Variants in DYNC2H1 observed in about 807,000 individuals in gnomAD.
The protein encoded by DYNC2H1 is cytoplasmic dynein 2 heavy chain 1.
In DYNC2H1, 410 loss-of-function variants were observed where a neutral mutation model predicts 570.0. The observed-to-expected ratio is 0.72, with a 90% CI of 0.66 to 0.78. DYNC2H1 has a LOEUF of 0.78. DYNC2H1 is among the 30% of genes least tolerant of loss of function. The pLI, the probability that DYNC2H1 is intolerant of heterozygous loss-of-function variation, is 0.00. For synonymous variants in DYNC2H1, 1,688 were observed against 1,677.6 expected, an observed-to-expected ratio of 1.01 and a Z score of -0.15; for missense variants, 4,865 against 5,046.4, an observed-to-expected ratio of 0.96 and a Z score of 1.09.
chr11:103,321,878 G>C (rs1194594480), intron 81 of DYNC2H1, among the ~76,000 whole-genome samples: 1 of 151,956 alleles, frequency 6.6e-6, no homozygotes, highest in Non-Finnish European at 1.5e-5. Context: ...TTCTTTATTA[G>C]AGTACTATAA....
rs557140243 is a variant in DYNC2H1 at position 103,322,177 on chromosome 11, G to A, written c.11934+940G>A. On this transcript the variant is annotated intron_variant, in intron 81 of 88. Transcript: ENST00000375735. ...CAGTGATAGTGCTGTTCTAGGTATT[G>A]TGGATATAGTAATGCACCTGTGGAG... Among the ~76,000 whole-genome samples the A allele has an allele frequency of 4.6e-5, 7 of 152,188 alleles. No individual in the cohort carries two copies. The South Asian group carries it at 1.5e-3, about 32-fold the overall frequency.
At chr11:103,367,738 T>C (rs1940975153) in intron 83 of DYNC2H1, among the ~76,000 whole-genome samples, 6 of 152,156 alleles carry the variant, frequency 3.9e-5, no homozygotes, top group Admixed American at 3.9e-4. Context: ...TTTGTACTTG[T>C]TGAACAACCT....
At chr11:103,375,731 C>T (rs1941365552) in intron 83 of DYNC2H1, among the ~76,000 whole-genome samples, 1 of 152,130 alleles carries the variant, frequency 6.6e-6, no homozygotes, top group Non-Finnish European at 1.5e-5. Context: ...GTGTCTGTAC[C>T]CCCATTGTAT....
At chr11:103,141,751 G>T (rs1859949691) in intron 17 of DYNC2H1, among the ~76,000 whole-genome samples, 1 of 152,336 alleles carries the variant, frequency 6.6e-6, no homozygotes, top group African/African-American at 2.4e-5. Flanking sequence ...AGCTGTCAGT[G>T]ACATTTAATT....
chr11:103,114,206 C>A lies in DYNC2H1; in HGVS notation c.470C>A (p.Thr157Lys). 3.8e-6 allele frequency: 6 copies of A among 1,597,806 alleles called. No homozygotes were observed. Among genetic ancestry groups the A allele is most frequent in the Non-Finnish European group, 5.1e-6 (6 of 1,171,200 alleles). The change falls in exon 3 of 89, where the codon ACA becomes AAA. Residue 157 changes from threonine to lysine, a missense_variant. By Grantham distance (78) the Thr-to-Lys change is moderately conservative. This residue lies in a region of DYNC2H1 where 1,936 missense variants were observed against 1,962.1 expected (regional missense o/e 0.99). Coordinates refer to ENST00000375735, the MANE Select transcript of DYNC2H1 (RefSeq NM_001377.3). ...IVLRRSDTNL[T>K]KLKFKEDDTR... Reference sequence around the variant, plus strand: ...CTACGAAGATCAGACACTAACTTAACAAAATTGAAATTTAAGGAAGATGAC... The same window carrying A: ...CTACGAAGATCAGACACTAACTTAAAAAAATTGAAATTTAAGGAAGATGAC...
intron 84 of DYNC2H1, chr11:103,406,519 G>A (rs1034476507): frequency 6.6e-6 from 1 of 151,890 alleles, no homozygotes; most frequent in Non-Finnish European, 1.5e-5. Flanking sequence ...TAGAATTAGT[G>A]GGATTATAGG....
At chr11:103,408,111 A>G (rs7925447) in intron 84 of DYNC2H1, 13,747 of 151,934 alleles carry the variant, frequency 0.09, 1,327 homozygotes, top group African/African-American at 0.23. Flanking sequence ...CGGTATAGGG[A>G]GGTGAGTTCA....
At chr11:103,259,751 G>A in intron 69 of DYNC2H1, 137 bp from the exon 70 acceptor site, 1 of 530,130 alleles carries the variant, frequency 1.9e-6, no homozygotes, top group Non-Finnish European at 3.3e-6. Flanking sequence ...CAAGTTTAAT[G>A]CACTTGTTTA....
chr11:103,451,057 G>T (rs1356809362), intron 85 of DYNC2H1, among the ~76,000 whole-genome samples: 1 of 151,910 alleles, frequency 6.6e-6, no homozygotes, highest in Non-Finnish European at 1.5e-5. Flanking sequence ...AATTTAATCA[G>T]CTAATTTCCT....
chr11:103,281,016 G>A (rs1301759780), intron 71 of DYNC2H1, among the ~76,000 whole-genome samples: 2 of 151,970 alleles, frequency 1.3e-5, no homozygotes, highest in Non-Finnish European at 2.9e-5. Flanking sequence ...CTATTTGCAA[G>A]TAATTTTTCT....
chr11:103,253,212 A>C, intron 65 of DYNC2H1, 73 bp from the exon 66 acceptor site: 1 of 1,442,046 alleles, frequency 6.9e-7, no homozygotes, highest in Non-Finnish European at 9.3e-7. Flanking sequence ...GTACTTAAAA[A>C]TTATATTTTC....
chr11:103,328,924 G>A (rs1403237590), intron 82 of DYNC2H1, among the ~76,000 whole-genome samples: 12 of 152,286 alleles, frequency 7.9e-5, no homozygotes, highest in Non-Finnish European at 1.5e-4. Context: ...TGAGGAGGGG[G>A]AGAGATAAAT....
Position 103,254,461 on chromosome 11 carries a change from G to T in DYNC2H1, c.10207-954G>T, listed in dbSNP as rs549611864. ...CATAGCATTTTTCAACAGCTTCACAGATAACAGCTTTAACAAATACAATGT... is the reference window on the plus strand; with the variant it reads ...CATAGCATTTTTCAACAGCTTCACATATAACAGCTTTAACAAATACAATGT... On this transcript the variant is annotated intron_variant, in intron 66 of 88. Coordinates refer to ENST00000375735, the MANE Select transcript of DYNC2H1 (RefSeq NM_001377.3). This position sits in a 1 kb window ranked among gnomAD's most constrained non-coding sequence, Gnocchi z 4.9. 1.3e-5 allele frequency among the ~76,000 whole-genome samples: 2 copies of T among 152,302 alleles called. No individual in the cohort carries two copies. The highest frequency in any genetic ancestry group is 4.8e-5 in the African/African-American group (2 of 41,570).
chr11:103,450,387 G>A (rs1179189560), intron 85 of DYNC2H1, among the ~76,000 whole-genome samples: 1 of 152,202 alleles, frequency 6.6e-6, no homozygotes, highest in African/African-American at 2.4e-5. Flanking sequence ...AAAGCAGAAT[G>A]CGCATTCAAG....
chr11:103,468,400 C>G (rs1428976905), intron 87 of DYNC2H1, 189 bp from the exon 88 acceptor site: 1 of 431,448 alleles, frequency 2.3e-6, no homozygotes, highest in Non-Finnish European at 4.1e-6. Flanking sequence ...AAATCAGTCT[C>G]AAAGAAGTTG....
rs770560986 is a variant in DYNC2H1 at position 103,280,229 on chromosome 11, T to C, written c.10696-119T>C. The C allele has an allele frequency of 7.2e-5, 68 of 939,296 alleles. No individual in the cohort carries two copies. Among genetic ancestry groups the C allele is most frequent in the Non-Finnish European group, 8.7e-5 (54 of 617,166 alleles). The allele number at this position is 939,296 out of a possible 1,614,324, so 58.2% of individuals were successfully genotyped here. ...TCTGAATAGTAATTTCTTACATCGATAAAAAAGTAGGTCATATGAAGACAG... is the reference window on the plus strand; with the variant it reads ...TCTGAATAGTAATTTCTTACATCGACAAAAAAGTAGGTCATATGAAGACAG... On this transcript the variant is annotated intron_variant, in intron 70 of 88. Coordinates refer to ENST00000375735, the MANE Select transcript of DYNC2H1 (RefSeq NM_001377.3). This position sits in a 1 kb window ranked among gnomAD's most constrained non-coding sequence, Gnocchi z 4.7.
intron 57 of DYNC2H1, 44 bp from the exon 58 acceptor site, chr11:103,221,986 A>G (rs1565407531): frequency 1.3e-6 from 2 of 1,585,818 alleles, no homozygotes; most frequent in Admixed American, 1.9e-5. Flanking sequence ...CAGAAACAGC[A>G]AATTTTATTT....
chr11:103,234,639 TC>T (rs921458988), intron 61 of DYNC2H1, among the ~76,000 whole-genome samples: 2 of 151,970 alleles, frequency 1.3e-5, no homozygotes, highest in Non-Finnish European at 2.9e-5. Context: ...ATGTTGATTG[TC>T]CTTGTTATTC....
In DYNC2H1 at chr11:103,203,556, G is replaced by T; in HGVS notation, c.8198-107G>T. ...GAGTCAAGTAGAGGTAATAAAGTTTGTATATTTTTGGAAATAAAGATTGAA... is the reference window on the plus strand; with the variant it reads ...GAGTCAAGTAGAGGTAATAAAGTTTTTATATTTTTGGAAATAAAGATTGAA... On this transcript the variant is annotated intron_variant, in intron 50 of 88. Coordinates refer to ENST00000375735, the MANE Select transcript of DYNC2H1 (RefSeq NM_001377.3). The surrounding 1 kb of genome is among the most constrained non-coding windows in gnomAD (Gnocchi z 4.7). 2 of 671,382 alleles carry T rather than the reference G, an allele frequency of 3.0e-6. No homozygotes were observed. The highest frequency in any genetic ancestry group is 4.8e-6 in the Non-Finnish European group (2 of 415,080). The allele number at this position is 671,382 out of a possible 1,614,324, so 41.6% of individuals were successfully genotyped here.
Sources: gnomAD v4.1 joint callset for allele counts (sites outside exome capture counted in the v4.1 genomes callset) on GRCh38, gnomAD v4.1.1 for gene constraint, gnomAD v4.1.1 regional missense constraint, Gnocchi (gnomAD v3.1) non-coding constraint, MANE v1.5 for transcripts, NCBI Gene and HGNC (gene_info 2026-07-23, HGNC 2026-07-21) for gene names.